Variants in HECTD4 observed in about 807,000 individuals in gnomAD.
The protein encoded by HECTD4 is probable E3 ubiquitin-protein ligase HECTD4.
A neutral mutation model predicts 471.5 loss-of-function variants in HECTD4; 114 were observed. The observed-to-expected ratio is 0.24, with a 90% CI of 0.21 to 0.28. The LOEUF is 0.28. Ranked by LOEUF, HECTD4 falls within the 10% of genes least tolerant of loss-of-function variation. HECTD4 has a pLI of 1.00. For missense variants in HECTD4, 3,866 were observed against 5,651.5 expected, an observed-to-expected ratio of 0.68 and a Z score of 10.13; for synonymous variants, 2,012 against 2,256.0, an observed-to-expected ratio of 0.89 and a Z score of 3.07.
intron 44 of HECTD4, among the ~76,000 whole-genome samples, chr12:112,225,324 G>GA (rs2033204382): frequency 1.3e-5 from 1 of 78,054 alleles, no homozygotes; most frequent in Non-Finnish European, 2.7e-5. Flanking sequence ...CTTTTTAAAA[G>GA]ACCAAAAAAA....
At chr12:112,217,322 CACACACACACACAT>C (rs1485602529) in intron 45 of HECTD4, 127 bp from the exon 46 acceptor site, 10 of 508,808 alleles carry the variant, frequency 2.0e-5, no homozygotes, top group Non-Finnish European at 3.3e-5. Flanking sequence ...CACACATACA[CACACACACACACAT>C]ACACACACAC....
At chr12:112,313,910 G>A (rs1384140987) in intron 3 of HECTD4, among the ~76,000 whole-genome samples, 1 of 152,092 alleles carries the variant, frequency 6.6e-6, no homozygotes, top group African/African-American at 2.4e-5. Context: ...TTATGAATTA[G>A]GAAGCATATG....
intron 52 of HECTD4, among the ~76,000 whole-genome samples, chr12:112,204,947 A>C (rs1279913771): frequency 1.3e-5 from 2 of 152,074 alleles, no homozygotes; most frequent in Non-Finnish European, 2.9e-5. Context: ...AGCCTGACCA[A>C]CATGGTGAAA....
rs748660245 is a variant in HECTD4, at chr12:112,168,377, G to A, written c.12209-460C>T. On this transcript the variant is annotated intron_variant, in intron 70 of 75. Transcript: ENST00000682272. Reference sequence around the variant, plus strand: ...CCAGTGCCCGGGCTCGCGTATGTCCGATGAATGCGTGAGTGAATGGACAAA... The same window carrying A: ...CCAGTGCCCGGGCTCGCGTATGTCCAATGAATGCGTGAGTGAATGGACAAA... Among the ~76,000 whole-genome samples, 18 of 152,332 alleles carry A rather than the reference G, an allele frequency of 1.2e-4. 1 individual carries two copies. The highest frequency in any genetic ancestry group is 5.8e-4 in the East Asian group (3 of 5,186).
chr12:112,217,243 C>G, intron 45 of HECTD4, 48 bp from the exon 46 acceptor site: 2 of 1,434,170 alleles, frequency 1.4e-6, no homozygotes, highest in African/African-American at 2.8e-5. Context: ...CAAACACAAT[C>G]CCTTTACTCT....
intron 1 of HECTD4, among the ~76,000 whole-genome samples, chr12:112,379,177 T>G (rs1000306468): frequency 6.6e-6 from 1 of 152,180 alleles, no homozygotes; most frequent in African/African-American, 2.4e-5. Flanking sequence ...AAAAATACTA[T>G]ACATGCATGG....
At chr12:112,353,982 A>G (rs957223552) in intron 1 of HECTD4, among the ~76,000 whole-genome samples, 6 of 152,166 alleles carry the variant, frequency 3.9e-5, no homozygotes, top group African/African-American at 1.4e-4. Context: ...CAGATGTAGG[A>G]CAGTCACTTG....
At chr12:112,280,973 T>C (rs2034627401) in intron 8 of HECTD4, among the ~76,000 whole-genome samples, 1 of 151,822 alleles carries the variant, frequency 6.6e-6, no homozygotes, top group South Asian at 2.1e-4. Context: ...GTATTTTCAG[T>C]AGAGATGGGG....
At position 112,258,577 on chromosome 12, in the gene HECTD4, G is replaced by A; in HGVS notation, c.3047C>T (p.Thr1016Ile). The A allele has an allele frequency of 6.2e-7, 1 of 1,603,250 alleles. No homozygotes were observed. Among genetic ancestry groups the A allele is most frequent in the East Asian group, 2.3e-5 (1 of 43,876 alleles). ...CACCTCAGCAAAAACCGGACACTGG[G>A]TTTTAAGCAGCAACGCCGTCTGAAA... ...YTSQTALLLK[T>I]QCPVFAEVGC... The change falls in exon 20 of 76, where the codon ACC becomes ATC. Residue 1016 changes from threonine (T) to isoleucine (I), a missense_variant. Thr to Ile is a moderately conservative substitution (Grantham distance 89). Around this residue, in one of 16 missense-constraint regions of HECTD4, gnomAD observed 525 missense variants for 672.6 expected, o/e 0.78. Transcript: ENST00000682272.
At chr12:112,328,442 C>T (rs185766043) in intron 1 of HECTD4, among the ~76,000 whole-genome samples, 155 of 152,218 alleles carry the variant, frequency 1.0e-3, no homozygotes, top group African/African-American at 3.5e-3. Context: ...CCTGCCAATA[C>T]AAAACTTTTA....
At chr12:112,256,789 T>C (rs1473682100) in intron 20 of HECTD4, 1 of 242,362 alleles carries the variant, frequency 4.1e-6, no homozygotes, top group Non-Finnish European at 7.7e-6. Flanking sequence ...CATTTTTCCC[T>C]CTTTTTTTCA....
Position 112,162,135 on chromosome 12 carries a change from C to T in HECTD4, c.*252G>A. On this transcript the variant is annotated 3_prime_UTR_variant, in exon 76 of 76. Coordinates refer to ENST00000682272, the MANE Select transcript of HECTD4 (RefSeq NM_001388303.1). This position sits in a 1 kb window ranked among gnomAD's most constrained non-coding sequence, Gnocchi z 5.2. ...ATGTCCAAGAAGATCAAATTAGACA[C>T]AAACTGTCTGGGAACTAAACTATCC... 1 of 446,790 alleles carries T rather than the reference C, an allele frequency of 2.2e-6. No homozygotes were observed. The highest frequency in any genetic ancestry group is 4.0e-6 in the Non-Finnish European group (1 of 248,914). 27.7% of individuals were successfully genotyped at this position (446,790 alleles called of 1,614,324 possible).
chr12:112,263,688 T>C (rs1218070876), intron 17 of HECTD4, among the ~76,000 whole-genome samples: 1 of 150,588 alleles, frequency 6.6e-6, no homozygotes, highest in African/African-American at 2.5e-5. Flanking sequence ...TTTGAAATTA[T>C]TTAATGCTCC....
At chr12:112,290,068 C>T (rs546284895) in intron 7 of HECTD4, among the ~76,000 whole-genome samples, 1 of 152,194 alleles carries the variant, frequency 6.6e-6, no homozygotes, top group Admixed American at 6.5e-5. Flanking sequence ...TGTCTTTAAT[C>T]CCAGCACTTT....
intron 25 of HECTD4, chr12:112,249,681 T>C (rs1307270415): frequency 1.2e-5 from 2 of 164,678 alleles, no homozygotes; most frequent in Admixed American, 5.7e-5. Context: ...TAACTGTATG[T>C]ACATTCTACA....
In HECTD4 at chr12:112,356,773, G is replaced by T. The variant is rs2036346327; in HGVS notation, c.177+25179C>A. On this transcript the variant is annotated intron_variant, in intron 1 of 75. Coordinates refer to ENST00000682272, the MANE Select transcript of HECTD4 (RefSeq NM_001388303.1). ...ACCAAGAAGGTAACATACAAAAACT[G>T]CCATGATATATTCAAACACTTATGG... 5.9e-5 allele frequency among the ~76,000 whole-genome samples: 9 copies of T among 152,268 alleles called. No homozygotes were observed. In the South Asian group the frequency reaches 1.9e-3, roughly 32 times the overall value.
chr12:112,363,992 C>CAAAAAAAAAAAAAA (rs1175386198), intron 1 of HECTD4, among the ~76,000 whole-genome samples: 1 of 52,886 alleles, frequency 1.9e-5, no homozygotes, highest in African/African-American at 7.4e-5. Context: ...ACTCAATCTC[C>CAAAAAAAAAAAAAA]AAAAAAAAAA....
intron 1 of HECTD4, among the ~76,000 whole-genome samples, chr12:112,328,078 C>T (rs898463046): frequency 4.6e-5 from 7 of 151,972 alleles, no homozygotes; most frequent in East Asian, 1.9e-4. Context: ...CAAAGGAGAT[C>T]GACTGGCTAG....
intron 7 of HECTD4, among the ~76,000 whole-genome samples, chr12:112,295,691 C>T (rs972966751): frequency 1.3e-5 from 2 of 150,432 alleles, no homozygotes; most frequent in African/African-American, 4.9e-5. Context: ...GCCCAGGCTG[C>T]AGTGCAGTGG....
Sources: allele counts gnomAD v4.1 joint callset (sites outside exome capture counted in the v4.1 genomes callset), GRCh38; gene constraint gnomAD v4.1.1; regional missense constraint gnomAD v4.1.1; non-coding constraint Gnocchi (gnomAD v3.1); transcripts MANE v1.5; gene names NCBI Gene and HGNC (gene_info 2026-07-23, HGNC 2026-07-21).